QRICH2: variants seen among roughly 807,000 people sequenced by gnomAD.
The protein encoded by QRICH2 is glutamine rich 2.
In QRICH2, 119 loss-of-function variants were observed where a neutral mutation model predicts 168.3. The ratio of observed to expected loss-of-function variants is 0.71; its 90% CI spans 0.61 to 0.82. The LOEUF is 0.82. QRICH2 is among the 40% of genes least tolerant of loss of function. The pLI is 0.00. For missense variants in QRICH2, 2,241 were observed against 2,491.6 expected, an observed-to-expected ratio of 0.90 and a Z score of 2.14; for synonymous variants, 894 against 951.2, an observed-to-expected ratio of 0.94 and a Z score of 1.11.
Position 76,294,998 on chromosome 17 carries a change from G to C in QRICH2, c.706-977C>G, listed in dbSNP as rs190724689. Among the ~76,000 whole-genome samples the C allele has an allele frequency of 7.2e-4, 109 of 150,880 alleles. 2 individuals are homozygous for C. In the East Asian group the frequency reaches 0.021, roughly 29 times the overall value. On this transcript the variant is annotated intron_variant, in intron 3 of 18. Coordinates refer to ENST00000680821, the MANE Select transcript of QRICH2 (RefSeq NM_001388453.1). ...TGTAATCCCAGCACTTTGGGAGGCC[G>C]AGGTGGGCAGATCACAAGGTCAAGA...
At chr17:76,304,988 C>G (rs149607397) in intron 1 of QRICH2, 47 bp from the exon 2 acceptor site, 10 of 1,296,022 alleles carry the variant, frequency 7.7e-6, no homozygotes, top group Non-Finnish European at 2.2e-6. Context: ...CCCCTACACA[C>G]GCACACTCAC....
At chr17:76,290,123 T>G in intron 4 of QRICH2, 46 bp from the exon 5 acceptor site, 1 of 1,416,434 alleles carries the variant, frequency 7.1e-7, no homozygotes, top group Non-Finnish European at 9.9e-7. Context: ...AGATCTCTAG[T>G]GGGCTCCCAA....
At chr17:76,303,136 G>A (rs1427572095) in intron 3 of QRICH2, among the ~76,000 whole-genome samples, 2 of 152,054 alleles carry the variant, frequency 1.3e-5, no homozygotes, top group African/African-American at 2.4e-5. Flanking sequence ...CGCCCCCCTC[G>A]ACTTCTCAAA....
rs373593081 is a variant in QRICH2, at chr17:76,280,807, C to T, written c.4386+24G>A. On this transcript the variant is annotated intron_variant, in intron 9 of 18. Transcript: ENST00000680821. The surrounding 1 kb of genome is among the most constrained non-coding windows in gnomAD (Gnocchi z 7.4). The stretch of plus-strand genomic sequence containing the variant: ...GCACCACATTGAGCCCCGGCCCCAT[C>T]CCAGCCACCCTGCGGCCGCTCACAG... The T allele has an allele frequency of 6.2e-7, 1 of 1,613,888 alleles. No individual in the cohort carries two copies. Among genetic ancestry groups the T allele is most frequent in the Admixed American group, 1.7e-5 (1 of 60,006 alleles).
rs1422553195 is a variant in QRICH2, at chr17:76,293,396, GGCAACATACGTT to G, written c.1319_1330del (p.Gln440_Leu443del). On this transcript the variant is annotated inframe_deletion, in exon 4 of 19. Coordinates refer to ENST00000680821, the MANE Select transcript of QRICH2 (RefSeq NM_001388453.1). ...CTGGTCTCTGCCAGGTACTGATGGTGGCAACATACGTTGCTCATCCACGACAAATGGTATCAA... is the reference window on the plus strand; with the variant it reads ...CTGGTCTCTGCCAGGTACTGATGGTGGCTCATCCACGACAAATGGTATCAA... The G allele has an allele frequency of 2.5e-6, 4 of 1,614,154 alleles. No homozygotes were observed. The East Asian group carries it at 8.9e-5, about 36-fold the overall frequency.
rs1045705574 is a variant in QRICH2 at position 76,307,191 on chromosome 17, A to G, written c.534+274T>C. Among the ~76,000 whole-genome samples, 3 of 152,040 alleles carry G rather than the reference A, an allele frequency of 2.0e-5. No homozygotes were observed. The highest frequency in any genetic ancestry group is 4.4e-5 in the Non-Finnish European group (3 of 67,964). The stretch of plus-strand genomic sequence containing the variant: ...GTGGGATGGGGCCACTACACTTAGG[A>G]GGTGGGGTCCCCAGGCCCCTCCAGC... On this transcript the variant is annotated intron_variant, in intron 1 of 18. Transcript: ENST00000680821. This position sits in a 1 kb window ranked among gnomAD's most constrained non-coding sequence, Gnocchi z 5.3.
Position 76,281,963 on chromosome 17 carries a change from A to ACC in QRICH2, c.4163_4164insGG (p.His1388GlnfsTer101). 6.2e-7 allele frequency: 1 copy of ACC among 1,613,782 alleles called. No homozygotes were observed. The highest frequency in any genetic ancestry group is 8.5e-7 in the Non-Finnish European group (1 of 1,179,944). On this transcript the variant is annotated frameshift_variant, in exon 8 of 19. Coordinates refer to ENST00000680821, the MANE Select transcript of QRICH2 (RefSeq NM_001388453.1). LOFTEE classifies it high-confidence loss of function. The surrounding 1 kb of genome is among the most constrained non-coding windows in gnomAD (Gnocchi z 4.4). ...AGCGCCGCACCAGCGTGCTGACCTGATGGCTCACATCCAGGCTGCAGGCTG... is the reference window on the plus strand; with the variant it reads ...AGCGCCGCACCAGCGTGCTGACCTGACCTGGCTCACATCCAGGCTGCAGGCTG...
chr17:76,290,071 C>G lies in QRICH2; in HGVS notation c.3719G>C (p.Arg1240Thr). ...IQFLLAQMVK[R>T]TIPPELQEQL... is the part of the protein sequence containing the mutation. ...CTCCTGCAGTTCAGGAGGTATGGTC[C>G]TTTTGACTATGGAAAGCAGAAGCCT... is the stretch of plus-strand genomic sequence containing the variant. Residue 1240 changes from arginine (R) to threonine (T), a missense_variant, in exon 5 of 19, where the codon AGG becomes ACG. This residue lies in a region of QRICH2 where 2,047 missense variants were observed against 2,303.8 expected (regional missense o/e 0.89). Transcript: ENST00000680821. The G allele has an allele frequency of 6.2e-7, 1 of 1,611,180 alleles. No homozygotes were observed. The highest frequency in any genetic ancestry group is 1.1e-5 in the South Asian group (1 of 90,988).
rs751887084 is a variant in QRICH2, at chr17:76,280,048, G to A, written c.4733C>T (p.Ala1578Val). The A allele has an allele frequency of 7.4e-6, 12 of 1,611,932 alleles. No individual in the cohort carries two copies. The highest frequency in any genetic ancestry group is 2.2e-5 in the South Asian group (2 of 90,902). The part of the protein sequence containing the change: ...ERPPLYQADE[A>V]AAMRRQLLAH... ...CAGGCCTCACCTCCGCATGGCAGCCGCCTCGTCTGCCTGGTAGAGTGGGGG... is the reference window on the plus strand; with the variant it reads ...CAGGCCTCACCTCCGCATGGCAGCCACCTCGTCTGCCTGGTAGAGTGGGGG... The change falls in exon 12 of 19, where the codon GCG (alanine) becomes GTG (valine). Residue 1578 changes from alanine (A) to valine (V), a missense_variant. This residue lies in a region of QRICH2 where 2,047 missense variants were observed against 2,303.8 expected (regional missense o/e 0.89). Transcript: ENST00000680821. The surrounding 1 kb of genome is among the most constrained non-coding windows in gnomAD (Gnocchi z 7.4).
intron 5 of QRICH2, among the ~76,000 whole-genome samples, chr17:76,288,383 TAAA>T (rs770162922): frequency 0.14 from 5,315 of 38,286 alleles, 129 homozygotes; most frequent in Admixed American, 0.17. Context: ...GAATCAGTCT[TAAA>T]AAAAAAAAAA....
rs2070724781 is a variant in QRICH2, at chr17:76,278,184, T to C, written c.4922A>G (p.Lys1641Arg). ...ACCCCGAGGGAAGGCGCTGCCCAGC[T>C]TGAGGCTGCAGGGTGTGAGCAGAAC... is the stretch of plus-strand genomic sequence containing the variant. The part of the protein sequence containing the change: ...EQVRQHSRNL[K>R]LGSAFPRGDL... Residue 1641 changes from lysine (K) to arginine (R), a missense_variant, in exon 15 of 19, where the codon AAG (lysine) becomes AGG (arginine). By Grantham distance (26) the Lys-to-Arg change is conservative (BLOSUM62 2). Transcript: ENST00000680821. 1.9e-6 allele frequency: 3 copies of C among 1,605,146 alleles called. No individual in the cohort carries two copies. Among genetic ancestry groups the C allele is most frequent in the South Asian group, 1.1e-5 (1 of 91,064 alleles).
intron 2 of QRICH2, 48 bp downstream of exon 2, chr17:76,304,834 C>T (rs145856984): frequency 9.5e-6 from 13 of 1,363,914 alleles, no homozygotes; most frequent in African/African-American, 2.9e-5. Context: ...CACTGAGAGA[C>T]GGCCAGCCCC....
chr17:76,294,718 C>G (rs965340677), intron 3 of QRICH2, among the ~76,000 whole-genome samples: 1 of 149,716 alleles, frequency 6.7e-6, no homozygotes, highest in African/African-American at 2.5e-5. Flanking sequence ...GAGACTGAGG[C>G]AGGAGAATCG....
At position 76,290,000 on chromosome 17, in the gene QRICH2, TC is replaced by T; in HGVS notation, c.3789del (p.Ala1265GlnfsTer22). On this transcript the variant is annotated frameshift_variant, in exon 5 of 19. Transcript: ENST00000680821. LOFTEE classifies it high-confidence loss of function. ...GGTTGACTCTTCCTTACTTTTGCTT[TC>T]TCCTGCCAAACTTCTTTGGCTAGCG... The part of the protein sequence containing the change: ...VKTLAKEVWQ[E>X]KAKVERLQRI... 1 of 1,608,994 alleles carries T rather than the reference TC, an allele frequency of 6.2e-7. No homozygotes were observed. The highest frequency in any genetic ancestry group is 8.5e-7 in the Non-Finnish European group (1 of 1,176,550).
Position 76,275,947 on chromosome 17 carries a change from C to G in QRICH2, c.5354G>C (p.Ser1785Thr). 6.2e-7 allele frequency: 1 copy of G among 1,606,948 alleles called. No homozygotes were observed. The highest frequency in any genetic ancestry group is 8.5e-7 in the Non-Finnish European group (1 of 1,179,816). Residue 1785 changes from serine (S) to threonine (T), a missense_variant and splice_region_variant, in exon 18 of 19, where the codon AGC becomes ACC. Physicochemically the swap from Ser to Thr is moderately conservative, Grantham distance 58. Coordinates refer to ENST00000680821, the MANE Select transcript of QRICH2 (RefSeq NM_001388453.1). ...TRLPGILRKD[S>T]SGTSKRKSQQ... The stretch of plus-strand genomic sequence containing the variant: ...GGACTTGCGCTTTGAGGTCCCTGAG[C>G]CTGATGGGGGACAGGAGGGAAGGGT...
intron 14 of QRICH2, among the ~76,000 whole-genome samples, chr17:76,278,601 C>G (rs910671883): frequency 6.6e-6 from 1 of 152,198 alleles, no homozygotes; most frequent in Non-Finnish European, 1.5e-5. Context: ...GGGCAGGAGC[C>G]GGAGGGAGCA....
At position 76,295,648 on chromosome 17, in the gene QRICH2, G is replaced by T. The variant is rs561202623; in HGVS notation, c.706-1627C>A. On this transcript the variant is annotated intron_variant, in intron 3 of 18. Coordinates refer to ENST00000680821, the MANE Select transcript of QRICH2 (RefSeq NM_001388453.1). ...ACAGAGCGAGACACCATCTCAAAAA[G>T]AAATAAATAAATAAAATGTAAACAT... is the stretch of plus-strand genomic sequence containing the variant. Among the ~76,000 whole-genome samples, 8 of 152,040 alleles carry T rather than the reference G, an allele frequency of 5.3e-5. No homozygotes were observed. The East Asian group carries it at 1.5e-3, about 29-fold the overall frequency.
rs944470393 is a variant in QRICH2, at chr17:76,282,227, C to A, written c.4012-112G>T. ...TGCCTCTCCCCTGTCGTGCCCTGGGCAGTTGCTGCATCCTCAGTGCCTCCC... is the reference window on the plus strand; with the variant it reads ...TGCCTCTCCCCTGTCGTGCCCTGGGAAGTTGCTGCATCCTCAGTGCCTCCC... On this transcript the variant is annotated intron_variant, in intron 7 of 18. Coordinates refer to ENST00000680821, the MANE Select transcript of QRICH2 (RefSeq NM_001388453.1). 3.8e-6 allele frequency: 5 copies of A among 1,325,934 alleles called. No individual in the cohort carries two copies. In the African/African-American group the frequency reaches 7.3e-5, roughly 19 times the overall value. The allele number at this position is 1,325,934 out of a possible 1,614,324, so 82.1% of individuals were successfully genotyped here.
chr17:76,301,703 A>AATTTTTTT (rs1555587308), intron 3 of QRICH2, among the ~76,000 whole-genome samples: 1 of 121,752 alleles, frequency 8.2e-6, no homozygotes, highest in African/African-American at 3.4e-5. Flanking sequence ...GTGTTTTATA[A>AATTTTTTT]TTTTTTTTTT....
Sources: allele counts gnomAD v4.1 joint callset (sites outside exome capture counted in the v4.1 genomes callset), GRCh38; gene constraint gnomAD v4.1.1; regional missense constraint gnomAD v4.1.1; non-coding constraint Gnocchi (gnomAD v3.1); transcripts MANE v1.5; gene names NCBI Gene and HGNC (gene_info 2026-07-23, HGNC 2026-07-21).